The following CA12 variants were observed in gnomAD, a reference collection of about 807,000 sequenced individuals.
The protein encoded by CA12 is carbonate dehydratase XII.
Under a neutral mutation model 46.8 loss-of-function variants are expected in CA12, and 36 were observed. That is an observed-to-expected ratio of 0.77 (90% CI 0.59 to 1.02). The LOEUF (loss-of-function observed/expected upper bound fraction) is 1.02, where lower values mean the gene tolerates loss of function less well. Among genes scored for constraint, CA12 ranks in the 50% least tolerant of loss-of-function variants. The pLI is 0.00. For synonymous variants in CA12, 202 were observed against 187.0 expected (o/e 1.08, Z -0.65); for missense variants, 436 against 451.4 (o/e 0.97, Z 0.31).
intron 2 of CA12, among the ~76,000 whole-genome samples, chr15:63,366,161 C>T (rs2039433542): frequency 8.0e-6 from 1 of 125,006 alleles, no homozygotes. Context: ...AAAAAAAAAG[C>T]ATGTCCTGCA....
Position 63,330,103 on chromosome 15 carries a change from A to C in CA12, c.875-1973T>G, listed in dbSNP as rs554700514. ...CACCACCAGCTGCTCATGACCTCCC[A>C]AGTGGCAGAGTGGCTCCACTGGCCA... On this transcript the variant is annotated intron_variant, in intron 8 of 10. Transcript: ENST00000178638. This position sits in a 1 kb window ranked among gnomAD's most constrained non-coding sequence, Gnocchi z 4.0. 3.7e-4 allele frequency among the ~76,000 whole-genome samples: 57 copies of C among 152,306 alleles called. 1 individual carries two copies. Among genetic ancestry groups the C allele is most frequent in the Admixed American group, 9.1e-4 (14 of 15,304 alleles).
At position 63,355,570 on chromosome 15, in the gene CA12, G is replaced by A. The variant is rs2039284592; in HGVS notation, c.107-8861C>T. 6.6e-6 allele frequency among the ~76,000 whole-genome samples: 1 copy of A among 152,234 alleles called. No homozygotes were observed. Among genetic ancestry groups the A allele is most frequent in the Admixed American group, 6.5e-5 (1 of 15,292 alleles). On this transcript the variant is annotated intron_variant, in intron 2 of 10. Transcript: ENST00000178638. The surrounding 1 kb of genome is among the most constrained non-coding windows in gnomAD (Gnocchi z 4.1). Reference sequence around the variant, plus strand: ...AGGCTGAGAAGCGCTGCACTAGACTGTCAGCTCGCTTTCTGCATGCGTGTA... The same window carrying A: ...AGGCTGAGAAGCGCTGCACTAGACTATCAGCTCGCTTTCTGCATGCGTGTA...
At chr15:63,361,943 C>CTT in intron 2 of CA12, among the ~76,000 whole-genome samples, 1 of 152,212 alleles carries the variant, frequency 6.6e-6, no homozygotes, top group Non-Finnish European at 1.5e-5. Flanking sequence ...AGTGAGGCTT[C>CTT]TTTCCCTTTT....
At chr15:63,346,894 T>C (rs1218296227) in intron 2 of CA12, among the ~76,000 whole-genome samples, 185 bp from the exon 3 acceptor site, 1 of 152,184 alleles carries the variant, frequency 6.6e-6, no homozygotes. Flanking sequence ...GACCACCTGC[T>C]CTTAAGTGAT....
Position 63,327,302 on chromosome 15 carries a change from G to T in CA12, c.908-69C>A. 1 of 1,249,926 alleles carries T rather than the reference G, an allele frequency of 8.0e-7. No homozygotes were observed. The highest frequency in any genetic ancestry group is 1.2e-6 in the Non-Finnish European group (1 of 865,082). The allele number at this position is 1,249,926 out of a possible 1,614,324, so 77.4% of individuals were successfully genotyped here. A position where few individuals can be genotyped will look rare whatever the true frequency, so the allele number is the denominator to read the frequency against. On this transcript the variant is annotated intron_variant, in intron 9 of 10. Coordinates refer to ENST00000178638, the MANE Select transcript of CA12 (RefSeq NM_001218.5). This position sits in a 1 kb window ranked among gnomAD's most constrained non-coding sequence, Gnocchi z 4.5. The stretch of plus-strand genomic sequence containing the variant: ...CTCCATCTTAGCCCATGGCCCCCGG[G>T]TGTGAAATCATGGCCCAGCTGCATA...
At chr15:63,368,338 G>A (rs72748944) in intron 2 of CA12, among the ~76,000 whole-genome samples, 59,104 of 152,044 alleles carry the variant, frequency 0.39, 13,681 homozygotes, top group Non-Finnish European at 0.53. Flanking sequence ...GCGCTCCACC[G>A]TGGTGCCTGC....
chr15:63,362,244 A>C (rs1238061748), intron 2 of CA12, among the ~76,000 whole-genome samples: 2 of 152,138 alleles, frequency 1.3e-5, no homozygotes, highest in African/African-American at 4.8e-5. Flanking sequence ...TAAGCTTAAC[A>C]TGTGTTAATT....
Position 63,327,134 on chromosome 15 carries a change from C to G in CA12, c.992+15G>C. On this transcript the variant is annotated intron_variant, in intron 10 of 10. Coordinates refer to ENST00000178638, the MANE Select transcript of CA12 (RefSeq NM_001218.5). The surrounding 1 kb of genome is among the most constrained non-coding windows in gnomAD (Gnocchi z 4.5). ...CATAGCTGTCCATTCCCATTTTGGA[C>G]CCAAACCAGCTCACCTCTTCCTTCT... The G allele has an allele frequency of 1.2e-6, 2 of 1,611,822 alleles. No individual in the cohort carries two copies. Among genetic ancestry groups the G allele is most frequent in the Non-Finnish European group, 1.7e-6 (2 of 1,177,970 alleles).
intron 2 of CA12, among the ~76,000 whole-genome samples, chr15:63,352,347 G>A (rs1427844397): frequency 2.6e-5 from 4 of 152,312 alleles, no homozygotes; most frequent in African/African-American, 9.6e-5. Context: ...GCGAGCCACC[G>A]CACCCAGCCT....
chr15:63,333,080 A>C (rs2038956297), intron 8 of CA12, among the ~76,000 whole-genome samples: 1 of 152,016 alleles, frequency 6.6e-6, no homozygotes, highest in African/African-American at 2.4e-5. Context: ...GATGGGGAGG[A>C]CTTCCAGGAG....
chr15:63,376,600 T>TTCTTTCTTTTCTTTCTTTC (rs10623502), intron 1 of CA12, among the ~76,000 whole-genome samples: 5 of 134,094 alleles, frequency 3.7e-5, no homozygotes, highest in Admixed American at 8.3e-5. Flanking sequence ...CTTTCTTTCT[T>TTCTTTCTTTTCTTTCTTTC]TCTCTCTCTC....
At chr15:63,370,296 A>C (rs1301611341) in intron 2 of CA12, among the ~76,000 whole-genome samples, 1 of 151,604 alleles carries the variant, frequency 6.6e-6, no homozygotes. Context: ...TCTACTAAAA[A>C]ATTTAAAAAT....
intron 2 of CA12, among the ~76,000 whole-genome samples, chr15:63,367,079 C>G (rs562882953): frequency 1.4e-4 from 22 of 152,062 alleles, no homozygotes; most frequent in Non-Finnish European, 2.9e-4. Context: ...TGCCACAATG[C>G]CTGGCTAATT....
rs1208590164 is a variant in CA12 at position 63,355,716 on chromosome 15, C to T, written c.107-9007G>A. On this transcript the variant is annotated intron_variant, in intron 2 of 10. Transcript: ENST00000178638. This position sits in a 1 kb window ranked among gnomAD's most constrained non-coding sequence, Gnocchi z 4.1. ...AACTGCTGACATGCTAACAACCTAA[C>T]CCCTATCATGAAAACTAGCCAGGCC... Among the ~76,000 whole-genome samples the T allele has an allele frequency of 6.6e-6, 1 of 151,782 alleles. No individual in the cohort carries two copies. The highest frequency in any genetic ancestry group is 1.5e-5 in the Non-Finnish European group (1 of 68,044).
At chr15:63,350,833 A>G (rs577086480) in intron 2 of CA12, among the ~76,000 whole-genome samples, 1 of 152,312 alleles carries the variant, frequency 6.6e-6, no homozygotes, top group African/African-American at 2.4e-5. Flanking sequence ...TACAATTCAG[A>G]AACAGTCCTG....
intron 4 of CA12, among the ~76,000 whole-genome samples, 170 bp from the exon 5 acceptor site, chr15:63,342,267 G>A (rs576704982): frequency 6.6e-6 from 1 of 152,244 alleles, no homozygotes; most frequent in South Asian, 2.1e-4. Flanking sequence ...ATAAGGACAT[G>A]TGCCCAAGGT....
At chr15:63,351,325 G>A (rs11637751) in intron 2 of CA12, among the ~76,000 whole-genome samples, 28,068 of 152,146 alleles carry the variant, frequency 0.18, 2,854 homozygotes, top group Admixed American at 0.26. Context: ...ACCAGCCCCA[G>A]CCTTCCTTGT....
In CA12 at chr15:63,329,993, C is replaced by G. The variant is rs571496629; in HGVS notation, c.875-1863G>C. Among the ~76,000 whole-genome samples, 7 of 152,308 alleles carry G rather than the reference C, an allele frequency of 4.6e-5. No individual in the cohort carries two copies. Among genetic ancestry groups the G allele is most frequent in the African/African-American group, 1.7e-4 (7 of 41,552 alleles). Reference sequence around the variant, plus strand: ...CTGGTCTGGCTTCCCCAGGTGGCACCGGGCTGCTGTGAGGGTTAGCAGAGC... The same window carrying G: ...CTGGTCTGGCTTCCCCAGGTGGCACGGGGCTGCTGTGAGGGTTAGCAGAGC... On this transcript the variant is annotated intron_variant, in intron 8 of 10. Coordinates refer to ENST00000178638, the MANE Select transcript of CA12 (RefSeq NM_001218.5). This position sits in a 1 kb window ranked among gnomAD's most constrained non-coding sequence, Gnocchi z 4.8.
chr15:63,343,535 C>A (rs780975717), intron 4 of CA12, among the ~76,000 whole-genome samples: 2 of 152,066 alleles, frequency 1.3e-5, no homozygotes, highest in Admixed American at 6.5e-5. Flanking sequence ...CCCGTCTCAG[C>A]CTCCCAAAGT....
Sources: allele counts gnomAD v4.1 joint callset (sites outside exome capture counted in the v4.1 genomes callset), GRCh38; gene constraint gnomAD v4.1.1; non-coding constraint Gnocchi (gnomAD v3.1); transcripts MANE v1.5; gene names NCBI Gene and HGNC (gene_info 2026-07-23, HGNC 2026-07-21).